Variants in TRIM2 observed in about 807,000 individuals in gnomAD.
TRIM2 encodes tripartite motif-containing protein 2.
TRIM2 carries 20 observed loss-of-function variants against 75.2 expected under a neutral mutation model. The observed-to-expected ratio is 0.27, with a 90% CI of 0.19 to 0.39. The LOEUF (loss-of-function observed/expected upper bound fraction) is 0.39. TRIM2 is among the 10% of genes least tolerant of loss of function. The pLI is 1.00. For synonymous variants in TRIM2, 373 were observed against 388.3 expected, an observed-to-expected ratio of 0.96 and a Z score of 0.46; for missense variants, 660 against 990.8, an observed-to-expected ratio of 0.67 and a Z score of 4.48.
intron 6 of TRIM2, among the ~76,000 whole-genome samples, chr4:153,310,685 C>G (rs115751973): frequency 6.6e-6 from 1 of 151,960 alleles, no homozygotes; most frequent in East Asian, 1.9e-4. Flanking sequence ...AAAAGAGGAC[C>G]GTAAGAATCA....
chr4:153,269,281 G>A (rs1442920129), intron 1 of TRIM2, among the ~76,000 whole-genome samples: 1 of 152,294 alleles, frequency 6.6e-6, no homozygotes, highest in African/African-American at 2.4e-5. Context: ...AAGAAAGAGG[G>A]GTTTGGACTC....
At chr4:153,239,300 C>T (rs919248562) in intron 1 of TRIM2, among the ~76,000 whole-genome samples, 2 of 150,104 alleles carry the variant, frequency 1.3e-5, no homozygotes, top group African/African-American at 4.9e-5. Flanking sequence ...TGCAGTGAGC[C>T]GAGATCGTGC....
intron 6 of TRIM2, among the ~76,000 whole-genome samples, chr4:153,311,413 A>G (rs1279534068): frequency 6.6e-6 from 1 of 151,950 alleles, no homozygotes; most frequent in Non-Finnish European, 1.5e-5. Context: ...AATAGGCATC[A>G]TTCTAGCAGG....
chr4:153,190,170 A>G (rs1234041696), intron 1 of TRIM2, among the ~76,000 whole-genome samples: 1 of 152,208 alleles, frequency 6.6e-6, no homozygotes, highest in Non-Finnish European at 1.5e-5. Context: ...TAGTGATTCA[A>G]GAATGAAGGG....
At chr4:153,265,971 A>G (rs1754929498) in intron 1 of TRIM2, among the ~76,000 whole-genome samples, 1 of 152,170 alleles carries the variant, frequency 6.6e-6, no homozygotes, top group African/African-American at 2.4e-5. Context: ...GGATGTGGTT[A>G]AGAAAACAGA....
chr4:153,167,373 A>T (rs1225701160), intron 1 of TRIM2, among the ~76,000 whole-genome samples: 1 of 152,228 alleles, frequency 6.6e-6, no homozygotes, highest in African/African-American at 2.4e-5. Flanking sequence ...TGGCAATAAG[A>T]AAAGGAAAAA....
At chr4:153,168,100 T>C (rs1206400577) in intron 1 of TRIM2, among the ~76,000 whole-genome samples, 1 of 150,364 alleles carries the variant, frequency 6.7e-6, no homozygotes, top group Non-Finnish European at 1.5e-5. Flanking sequence ...ATAGGAAAAA[T>C]TTACAAAGGT....
intron 10 of TRIM2, among the ~76,000 whole-genome samples, chr4:153,324,723 T>C (rs1769780145): frequency 6.6e-6 from 1 of 152,104 alleles, no homozygotes; most frequent in Admixed American, 6.5e-5. Flanking sequence ...CAGGAAATAA[T>C]AAAATGGTTC....
At chr4:153,175,871 A>T (rs1182342437) in intron 1 of TRIM2, among the ~76,000 whole-genome samples, 2 of 152,088 alleles carry the variant, frequency 1.3e-5, no homozygotes, top group East Asian at 3.9e-4. Flanking sequence ...TAGGAAATAC[A>T]CATTAAGGTA....
At chr4:153,183,110 G>A (rs78270653) in intron 1 of TRIM2, among the ~76,000 whole-genome samples, 5,196 of 152,254 alleles carry the variant, frequency 0.034, 154 homozygotes, top group South Asian at 0.06. Flanking sequence ...TAGCCTCAAA[G>A]CCTGTGATCC....
At chr4:153,152,400 ATATGTG>A (rs1336470729), upstream of TRIM2, 54 of 41,184 alleles carry the variant, frequency 1.3e-3, 1 homozygote, top group African/African-American at 3.8e-3. Context: ...ATACATATAT[ATATGTG>A]TGTATATATA....
At chr4:153,164,203 G>T (rs905103961) in intron 1 of TRIM2, among the ~76,000 whole-genome samples, 3 of 152,080 alleles carry the variant, frequency 2.0e-5, no homozygotes, top group African/African-American at 7.2e-5. Context: ...CAGTTGTGCA[G>T]CCATAGCTCA....
At chr4:153,193,530 A>C (rs1733449113) in intron 1 of TRIM2, among the ~76,000 whole-genome samples, 1 of 152,180 alleles carries the variant, frequency 6.6e-6, no homozygotes, top group Non-Finnish European at 1.5e-5. Context: ...TTTATGGAGA[A>C]TGTATATAAT....
intron 1 of TRIM2, among the ~76,000 whole-genome samples, chr4:153,161,862 AT>A (rs1366627437): frequency 2.6e-5 from 4 of 152,214 alleles, no homozygotes; most frequent in Admixed American, 1.3e-4. Context: ...CAGCTAACTT[AT>A]TAGGGAACAT....
At chr4:153,285,942 C>A (rs1489310873) in intron 3 of TRIM2, among the ~76,000 whole-genome samples, 1 of 152,116 alleles carries the variant, frequency 6.6e-6, no homozygotes, top group East Asian at 1.9e-4. Flanking sequence ...GAGTGAATAT[C>A]CTCTTGTTCT....
At chr4:153,309,867 A>T (rs372130549) in intron 6 of TRIM2, 3 of 152,208 alleles carry the variant, frequency 2.0e-5, no homozygotes, top group African/African-American at 7.2e-5. Flanking sequence ...ACCTCAAGTG[A>T]TCCACCCACC....
chr4:153,296,436 T>A (rs539270135), intron 6 of TRIM2, among the ~76,000 whole-genome samples: 1 of 152,312 alleles, frequency 6.6e-6, no homozygotes, highest in South Asian at 2.1e-4. Context: ...CCCTCTTCCC[T>A]GGGAGGGTCT....
At chr4:153,284,143 T>G (rs1207237767) in intron 3 of TRIM2, among the ~76,000 whole-genome samples, 1 of 151,672 alleles carries the variant, frequency 6.6e-6, no homozygotes, top group East Asian at 1.9e-4. Flanking sequence ...CCTCCCAAAG[T>G]GCTGGGATTA....
intron 1 of TRIM2, among the ~76,000 whole-genome samples, chr4:153,187,202 C>T (rs910055240): frequency 7.2e-5 from 11 of 152,050 alleles, no homozygotes; most frequent in African/African-American, 2.4e-4. Context: ...GCTAAAACAG[C>T]ACATTTTTTC....
Sources: gnomAD v4.1 joint callset for allele counts (sites outside exome capture counted in the v4.1 genomes callset) on GRCh38, gnomAD v4.1.1 for gene constraint, MANE v1.5 for transcripts, NCBI Gene and HGNC (gene_info 2026-07-23, HGNC 2026-07-21) for gene names.